Variants in MARCHF8 observed in about 807,000 individuals in gnomAD.
The protein encoded by MARCHF8 is E3 ubiquitin-protein ligase MARCHF8.
Under a neutral mutation model 51.6 loss-of-function variants are expected in MARCHF8, and 40 were observed. The observed-to-expected ratio is 0.77, with a 90% CI of 0.60 to 1.01. The LOEUF is 1.01. MARCHF8 is among the 50% of genes least tolerant of loss of function. The pLI is 0.00. For synonymous variants in MARCHF8, 263 were observed against 280.3 expected (o/e 0.94, Z 0.62); for missense variants, 685 against 708.6 (o/e 0.97, Z 0.38).
chr10:45,486,183 C>T (rs1369853118), intron 3 of MARCHF8, among the ~76,000 whole-genome samples: 1 of 152,190 alleles, frequency 6.6e-6, no homozygotes, highest in East Asian at 1.9e-4. Context: ...GCTCACTCCA[C>T]TCAGATACTC....
chr10:45,493,436 T>C (rs1478928767), intron 2 of MARCHF8, among the ~76,000 whole-genome samples: 1 of 152,232 alleles, frequency 6.6e-6, no homozygotes, highest in Non-Finnish European at 1.5e-5. Context: ...GAGAAGGTAC[T>C]AAGAGATGCC....
intron 1 of MARCHF8, among the ~76,000 whole-genome samples, chr10:45,553,786 C>T (rs955673431): frequency 4.6e-5 from 7 of 151,960 alleles, no homozygotes; most frequent in Admixed American, 3.3e-4. Flanking sequence ...TCACCTAAGA[C>T]GGGATTAGGA....
At chr10:45,514,855 AT>A (rs1243707337) in intron 2 of MARCHF8, among the ~76,000 whole-genome samples, 2 of 152,030 alleles carry the variant, frequency 1.3e-5, no homozygotes, top group African/African-American at 4.8e-5. Flanking sequence ...ACAAAACAAA[AT>A]TTTTTTCCCC....
At chr10:45,535,674 TTA>T (rs1216179841), upstream of MARCHF8, among the ~76,000 whole-genome samples, 1 of 152,258 alleles carries the variant, frequency 6.6e-6, no homozygotes, top group Non-Finnish European at 1.5e-5. Context: ...ATGCCATTTT[TTA>T]TGTGAAGATT....
At chr10:45,523,077 GA>G (rs60470150) in intron 2 of MARCHF8, among the ~76,000 whole-genome samples, 8 of 121,772 alleles carry the variant, frequency 6.6e-5, no homozygotes, top group African/African-American at 1.8e-4. Context: ...AAACAATATG[GA>G]AAAAAATATA....
At chr10:45,512,771 G>A (rs2043550771) in intron 2 of MARCHF8, among the ~76,000 whole-genome samples, 2 of 152,140 alleles carry the variant, frequency 1.3e-5, no homozygotes, top group Admixed American at 1.3e-4. Context: ...TGGCGGTTTT[G>A]TGGAATAGAA....
At chr10:45,566,712 A>C (rs1434455822) in intron 1 of MARCHF8, among the ~76,000 whole-genome samples, 1 of 149,302 alleles carries the variant, frequency 6.7e-6, no homozygotes, top group Non-Finnish European at 1.5e-5. Context: ...AGCTATTGTA[A>C]ACAGTGCTGC....
intron 2 of MARCHF8, among the ~76,000 whole-genome samples, chr10:45,512,594 G>A (rs1437481754): frequency 3.3e-5 from 5 of 150,260 alleles, no homozygotes; most frequent in African/African-American, 1.2e-4. Context: ...CAGTCCGGGA[G>A]GGAGGTGGGG....
intron 3 of MARCHF8, among the ~76,000 whole-genome samples, chr10:45,478,257 C>T (rs980197417): frequency 6.6e-6 from 1 of 152,090 alleles, no homozygotes; most frequent in Non-Finnish European, 1.5e-5. Context: ...AGAAACTGTA[C>T]AATTACATGG....
intron 2 of MARCHF8, among the ~76,000 whole-genome samples, chr10:45,502,673 T>A (rs577235663): frequency 2.6e-5 from 4 of 152,196 alleles, no homozygotes; most frequent in African/African-American, 7.2e-5. Context: ...AAGAGACCTG[T>A]TTACCTAAAA....
intron 1 of MARCHF8, among the ~76,000 whole-genome samples, chr10:45,573,624 C>T (rs967939461): frequency 6.6e-6 from 1 of 152,190 alleles, no homozygotes; most frequent in African/African-American, 2.4e-5. Flanking sequence ...GGAACTCCGG[C>T]CCAAGGCTCT....
chr10:45,518,888 C>T (rs887678766), intron 2 of MARCHF8, among the ~76,000 whole-genome samples: 4 of 152,172 alleles, frequency 2.6e-5, no homozygotes, highest in African/African-American at 9.7e-5. Context: ...ATGTATCATA[C>T]ACTAATCAAA....
In MARCHF8 at chr10:45,510,723, A is replaced by C. The variant is rs565105641; in HGVS notation, c.103-21306T>G. Reference sequence around the variant, plus strand: ...ACCTCATTGTGGCAATAATGAAGTTAACAAGCAACTAGAAAATATGAAACA... The same window carrying C: ...ACCTCATTGTGGCAATAATGAAGTTCACAAGCAACTAGAAAATATGAAACA... On this transcript the variant is annotated intron_variant, in intron 2 of 7. Coordinates refer to ENST00000453424, the MANE Select transcript of MARCHF8 (RefSeq NM_001282866.2). 3.9e-5 allele frequency among the ~76,000 whole-genome samples: 6 copies of C among 152,308 alleles called. No individual in the cohort carries two copies. The South Asian group carries it at 1.2e-3, about 32-fold the overall frequency.
chr10:45,537,780 G>C (rs888804566), upstream of MARCHF8, among the ~76,000 whole-genome samples: 2 of 152,122 alleles, frequency 1.3e-5, no homozygotes, highest in South Asian at 4.2e-4. Flanking sequence ...AAGTAGAGCA[G>C]TGCATGCCAA....
chr10:45,566,304 T>C (rs1048631595), intron 1 of MARCHF8, among the ~76,000 whole-genome samples: 11 of 152,238 alleles, frequency 7.2e-5, no homozygotes, highest in African/African-American at 2.4e-4. Context: ...TCTAAGTTAT[T>C]TTAAAATGTG....
chr10:45,510,055 T>G (rs954614674), intron 2 of MARCHF8, among the ~76,000 whole-genome samples: 1 of 152,176 alleles, frequency 6.6e-6, no homozygotes, highest in Non-Finnish European at 1.5e-5. Flanking sequence ...CAGAATGGGA[T>G]AGAGTAGTAC....
At chr10:45,590,742 G>A (rs1170163258) in intron 1 of MARCHF8, among the ~76,000 whole-genome samples, 6 of 152,320 alleles carry the variant, frequency 3.9e-5, no homozygotes, top group Admixed American at 3.9e-4. Context: ...CAAGAAAGCA[G>A]GCCAGGCGCA....
At chr10:45,560,048 T>C (rs1049228337) in intron 1 of MARCHF8, among the ~76,000 whole-genome samples, 4 of 151,942 alleles carry the variant, frequency 2.6e-5, no homozygotes, top group East Asian at 1.9e-4. Flanking sequence ...AAGAGGCTAA[T>C]TAGGTAAGCT....
At chr10:45,543,153 C>G (rs1386783107) in intron 1 of MARCHF8, among the ~76,000 whole-genome samples, 1 of 152,228 alleles carries the variant, frequency 6.6e-6, no homozygotes, top group Non-Finnish European at 1.5e-5. Flanking sequence ...TCTTCCTAGT[C>G]TTAAAATACT....
Sources: gnomAD v4.1 joint callset for allele counts (sites outside exome capture counted in the v4.1 genomes callset) on GRCh38, gnomAD v4.1.1 for gene constraint, MANE v1.5 for transcripts, NCBI Gene and HGNC (gene_info 2026-07-23, HGNC 2026-07-21) for gene names.